Variants in VTA1 observed in about 807,000 individuals in gnomAD.
VTA1 encodes vesicle trafficking 1.
A neutral mutation model predicts 36.9 loss-of-function variants in VTA1; 24 were observed. That is an observed-to-expected ratio of 0.65 (90% CI 0.47 to 0.91). The LOEUF (loss-of-function observed/expected upper bound fraction) is 0.91, where lower values mean the gene tolerates loss of function less well. VTA1 is among the 40% of genes least tolerant of loss of function. VTA1 has a pLI of 0.00. For synonymous variants in VTA1, 142 were observed against 130.2 expected (o/e 1.09, Z -0.62); for missense variants, 393 against 377.2 (o/e 1.04, Z -0.35).
chr6:142,172,066 A>T (rs1236212054), intron 4 of VTA1, among the ~76,000 whole-genome samples: 5 of 152,106 alleles, frequency 3.3e-5, no homozygotes, highest in Non-Finnish European at 7.4e-5. Context: ...GCTGGAGTGC[A>T]GTGGCACAAT....
intron 4 of VTA1, among the ~76,000 whole-genome samples, chr6:142,170,950 G>C (rs1243984792): frequency 6.6e-6 from 1 of 152,046 alleles, no homozygotes; most frequent in Non-Finnish European, 1.5e-5. Context: ...TTTAAATCCA[G>C]CATGTATTTT....
At chr6:142,181,176 C>T (rs1002956095) in intron 4 of VTA1, among the ~76,000 whole-genome samples, 1 of 139,706 alleles carries the variant, frequency 7.2e-6, no homozygotes, top group African/African-American at 2.6e-5. Context: ...CTCTGTTGCC[C>T]AGGGTGGAGT....
At chr6:142,204,112 G>T (rs1775741302) in intron 7 of VTA1, 47 bp downstream of exon 7, 2 of 1,565,690 alleles carry the variant, frequency 1.3e-6, no homozygotes, top group East Asian at 2.3e-5. Context: ...TCCTGTTTTG[G>T]GTTGCTGTTT....
At chr6:142,213,351 C>G (rs1268303081) in intron 7 of VTA1, among the ~76,000 whole-genome samples, 6 of 152,336 alleles carry the variant, frequency 3.9e-5, no homozygotes, top group South Asian at 4.1e-4. Flanking sequence ...AGCTCCACCC[C>G]TGTGGCTCTG....
chr6:142,162,467 A>G (rs891933688), intron 1 of VTA1, among the ~76,000 whole-genome samples: 9 of 152,218 alleles, frequency 5.9e-5, no homozygotes, highest in African/African-American at 1.7e-4. Context: ...TGGCCAGTGT[A>G]CATTTAGATC....
intron 1 of VTA1, among the ~76,000 whole-genome samples, chr6:142,153,343 C>CT (rs201190218): frequency 0.016 from 2,366 of 147,690 alleles, 48 homozygotes; most frequent in South Asian, 0.073. Context: ...TAATTCATAG[C>CT]TTTTTTTTTT....
At chr6:142,195,698 C>T (rs760625832) in intron 5 of VTA1, among the ~76,000 whole-genome samples, 1 of 146,614 alleles carries the variant, frequency 6.8e-6, no homozygotes, top group Non-Finnish European at 1.5e-5. Flanking sequence ...CTTTCAGTTT[C>T]CCTCTAAGCA....
intron 4 of VTA1, among the ~76,000 whole-genome samples, chr6:142,175,204 GC>G (rs1425255443): frequency 2.6e-5 from 4 of 152,052 alleles, no homozygotes; most frequent in Non-Finnish European, 4.4e-5. Context: ...CTTATTTTGA[GC>G]TTTTTTTCCC....
chr6:142,206,893 CAA>C (rs1233054568), intron 7 of VTA1, among the ~76,000 whole-genome samples: 1 of 151,908 alleles, frequency 6.6e-6, no homozygotes, highest in Non-Finnish European at 1.5e-5. Context: ...CCACATACAG[CAA>C]AAAAAGTGAA....
intron 2 of VTA1, among the ~76,000 whole-genome samples, chr6:142,169,115 T>C (rs1302639836): frequency 6.6e-6 from 1 of 152,116 alleles, no homozygotes; most frequent in East Asian, 1.9e-4. Flanking sequence ...TCTTATTTTT[T>C]TTAGATTTGA....
chr6:142,211,788 C>A (rs780788711), intron 7 of VTA1, among the ~76,000 whole-genome samples: 1 of 151,334 alleles, frequency 6.6e-6, no homozygotes, highest in Non-Finnish European at 1.5e-5. Flanking sequence ...TGATTAAGGA[C>A]TGTTAACAAA....
intron 1 of VTA1, among the ~76,000 whole-genome samples, chr6:142,149,218 A>G (rs1198612079): frequency 6.6e-6 from 1 of 152,218 alleles, no homozygotes; most frequent in South Asian, 2.1e-4. Flanking sequence ...CAGCCCATGC[A>G]GTCTGGTTTT....
chr6:142,154,680 T>G (rs1778629579), intron 1 of VTA1, among the ~76,000 whole-genome samples: 1 of 152,108 alleles, frequency 6.6e-6, no homozygotes, highest in Non-Finnish European at 1.5e-5. Flanking sequence ...TACAGTGATA[T>G]CTCATTGTGG....
At chr6:142,205,482 A>C (rs1775772693) in intron 7 of VTA1, among the ~76,000 whole-genome samples, 1 of 152,058 alleles carries the variant, frequency 6.6e-6, no homozygotes, top group South Asian at 2.1e-4. Flanking sequence ...ATATGTAAGA[A>C]CTCTCACATT....
intron 1 of VTA1, among the ~76,000 whole-genome samples, chr6:142,156,588 G>A (rs1034565282): frequency 3.3e-5 from 5 of 152,110 alleles, no homozygotes; most frequent in African/African-American, 9.7e-5. Context: ...TCAGTTTGCC[G>A]TGAGTAAATG....
intron 5 of VTA1, among the ~76,000 whole-genome samples, chr6:142,193,277 T>G (rs772442526): frequency 4.6e-5 from 7 of 152,140 alleles, no homozygotes; most frequent in Non-Finnish European, 8.8e-5. Context: ...TGCCTTACAT[T>G]AGAAGTATAT....
intron 4 of VTA1, among the ~76,000 whole-genome samples, chr6:142,175,425 T>C (rs1775102271): frequency 6.6e-6 from 1 of 152,056 alleles, no homozygotes; most frequent in African/African-American, 2.4e-5. Context: ...CGGCTTTGCC[T>C]AAGTTTTATC....
intron 4 of VTA1, among the ~76,000 whole-genome samples, chr6:142,180,756 T>C (rs961367755): frequency 8.6e-5 from 13 of 152,030 alleles, no homozygotes; most frequent in African/African-American, 2.9e-4. Flanking sequence ...ATCGCTTCAG[T>C]GATAATGCTT....
intron 1 of VTA1, among the ~76,000 whole-genome samples, chr6:142,165,416 G>C (rs1476909779): frequency 1.3e-5 from 2 of 152,180 alleles, no homozygotes; most frequent in Non-Finnish European, 2.9e-5. Context: ...TTGCAATTCA[G>C]GAGTTTTACT....
Sources: gnomAD v4.1 joint callset for allele counts (sites outside exome capture counted in the v4.1 genomes callset) on GRCh38, gnomAD v4.1.1 for gene constraint, MANE v1.5 for transcripts, NCBI Gene and HGNC (gene_info 2026-07-23, HGNC 2026-07-21) for gene names.